Variants in UNC13C observed in about 807,000 individuals in gnomAD.
The protein encoded by UNC13C is unc-13 homolog C, also known as protein unc-13 homolog C.
A neutral mutation model predicts 245.4 loss-of-function variants in UNC13C; 174 were observed. The observed-to-expected ratio is 0.71, with a 90% confidence interval of 0.63 to 0.80. UNC13C has a LOEUF of 0.80. Ranked by LOEUF, UNC13C falls within the 30% of genes least tolerant of loss-of-function variation. UNC13C has a pLI of 0.00. For synonymous variants in UNC13C, 992 were observed against 895.1 expected (o/e 1.11, Z -1.93); for missense variants, 2,829 against 2,602.9 (o/e 1.09, Z -1.89).
chr15:54,543,828 A>G (rs528781104), intron 26 of UNC13C, among the ~76,000 whole-genome samples: 1 of 152,308 alleles, frequency 6.6e-6, no homozygotes, highest in East Asian at 1.9e-4. Context: ...AAAAAAGCCC[A>G]GGACCAGATA....
the UNC13C span, among the ~76,000 whole-genome samples, chr15:53,966,296 C>T: frequency 0.047 from 7,106 of 152,178 alleles, 267 homozygotes; most frequent in African/African-American, 0.1. Flanking sequence ...TAACAAGGCA[C>T]CTGATATCCA....
intron 2 of UNC13C, among the ~76,000 whole-genome samples, chr15:54,039,728 T>G (rs1896733705): frequency 6.6e-6 from 1 of 152,160 alleles, no homozygotes; most frequent in Non-Finnish European, 1.5e-5. Flanking sequence ...TGAACTTCCC[T>G]CCTAGACTCT....
At chr15:53,921,747 T>C in the UNC13C span, among the ~76,000 whole-genome samples, 63 of 152,340 alleles carry the variant, frequency 4.1e-4, no homozygotes, top group African/African-American at 1.4e-3. Context: ...ATGTGATAAA[T>C]GGGTGTGTTA....
At chr15:54,515,840 A>G (rs183142482) in intron 24 of UNC13C, among the ~76,000 whole-genome samples, 14 of 152,234 alleles carry the variant, frequency 9.2e-5, no homozygotes, top group African/African-American at 2.4e-4. Flanking sequence ...TGATAATGCT[A>G]TTTGTATTGT....
chr15:54,077,147 T>A (rs946167415), intron 2 of UNC13C, among the ~76,000 whole-genome samples: 1 of 152,010 alleles, frequency 6.6e-6, no homozygotes, highest in Non-Finnish European at 1.5e-5. Flanking sequence ...TTTATGGGTC[T>A]CAAAAAACCT....
chr15:54,291,674 AC>A (rs1374933179), intron 10 of UNC13C, among the ~76,000 whole-genome samples: 1 of 151,948 alleles, frequency 6.6e-6, no homozygotes, highest in African/African-American at 2.4e-5. Flanking sequence ...AAGTGTTATT[AC>A]CCCATGTTAT....
intron 2 of UNC13C, among the ~76,000 whole-genome samples, chr15:54,020,367 T>C (rs938255861): frequency 4.0e-5 from 6 of 150,282 alleles, no homozygotes; most frequent in Admixed American, 3.3e-4. Context: ...CTCCTCCTCC[T>C]GGGTTCAAGC....
At chr15:53,961,819 C>A in the UNC13C span, among the ~76,000 whole-genome samples, 1 of 152,182 alleles carries the variant, frequency 6.6e-6, no homozygotes, top group Non-Finnish European at 1.5e-5. Context: ...AGCAGAATAA[C>A]CTGCATTGTA....
At chr15:54,055,219 AG>A in intron 2 of UNC13C, among the ~76,000 whole-genome samples, 1 of 152,200 alleles carries the variant, frequency 6.6e-6, no homozygotes, top group South Asian at 2.1e-4. Flanking sequence ...ACTCATTTTT[AG>A]TATGGAAAAA....
chr15:54,204,509 A>C (rs2034647987), intron 4 of UNC13C, among the ~76,000 whole-genome samples: 1 of 152,010 alleles, frequency 6.6e-6, no homozygotes, highest in Non-Finnish European at 1.5e-5. Context: ...ATGTTTATAG[A>C]TAGGATAACC....
At chr15:53,943,466 C>T in the UNC13C span, among the ~76,000 whole-genome samples, 4 of 151,990 alleles carry the variant, frequency 2.6e-5, no homozygotes, top group African/African-American at 9.7e-5. Context: ...AAAACAAGAA[C>T]AAAAATAATA....
At chr15:54,127,730 A>G (rs193249988) in intron 2 of UNC13C, among the ~76,000 whole-genome samples, 1,377 of 132,462 alleles carry the variant, frequency 0.01, 13 homozygotes, top group Non-Finnish European at 0.016. Context: ...TATATAAAAT[A>G]TATATTAAAT....
chr15:54,333,815 A>C lies in UNC13C; in HGVS notation c.4543A>C (p.Thr1515Pro), dbSNP rs1007395653. ...NTERLQDLKS[T>P]VDLLTSITFF... ...TGAAAGACTGCAAGACCTGAAATCA[A>C]CTGTTGACCTGTTAACAAGTATCAC... The change falls in exon 16 of 33, where the codon ACT (threonine) becomes CCT (proline). Residue 1515 changes from threonine to proline, a missense_variant. Thr to Pro is a conservative substitution (Grantham distance 38). Coordinates refer to ENST00000260323, the MANE Select transcript of UNC13C (RefSeq NM_001080534.3). The C allele has an allele frequency of 1.9e-6, 3 of 1,607,168 alleles. No homozygotes were observed. The highest frequency in any genetic ancestry group is 1.3e-5 in the African/African-American group (1 of 74,822).
At chr15:53,966,699 C>T in the UNC13C span, among the ~76,000 whole-genome samples, 1 of 151,940 alleles carries the variant, frequency 6.6e-6, no homozygotes, top group Non-Finnish European at 1.5e-5. Context: ...TATATCCTGG[C>T]ATTGCTCTTT....
chr15:54,507,410 T>C (rs558655168), intron 23 of UNC13C, among the ~76,000 whole-genome samples: 317 of 152,232 alleles, frequency 2.1e-3, no homozygotes, highest in African/African-American at 7.3e-3. Context: ...AGCCAACTTG[T>C]GGTTTTCCAT....
At chr15:54,207,882 C>A (rs1420468835) in intron 4 of UNC13C, among the ~76,000 whole-genome samples, 3 of 151,954 alleles carry the variant, frequency 2.0e-5, no homozygotes, top group African/African-American at 7.3e-5. Flanking sequence ...TTTTAGTATG[C>A]TAATGTAGAA....
intron 30 of UNC13C, among the ~76,000 whole-genome samples, chr15:54,568,903 C>T (rs2056341): frequency 0.33 from 49,844 of 151,594 alleles, 8,453 homozygotes; most frequent in East Asian, 0.54. Context: ...ACACTCTGTG[C>T]TTTTTGATAC....
chr15:54,034,303 A>G (rs572021910), intron 2 of UNC13C, among the ~76,000 whole-genome samples: 1 of 152,164 alleles, frequency 6.6e-6, no homozygotes, highest in Admixed American at 6.5e-5. Flanking sequence ...CGAGCACACA[A>G]TTTCCTCCTT....
intron 30 of UNC13C, among the ~76,000 whole-genome samples, chr15:54,590,261 T>C (rs1898715214): frequency 6.6e-6 from 1 of 152,246 alleles, no homozygotes; most frequent in Non-Finnish European, 1.5e-5. Context: ...AGTCTTGCTT[T>C]GGCTATGTGG....
Sources: allele counts gnomAD v4.1 joint callset (sites outside exome capture counted in the v4.1 genomes callset), GRCh38; gene constraint gnomAD v4.1.1; transcripts MANE v1.5; gene names NCBI Gene and HGNC (gene_info 2026-07-23, HGNC 2026-07-21).